The following GRAMD4 variants were observed in gnomAD, a reference collection of about 807,000 sequenced individuals.
The protein encoded by GRAMD4 is GRAM domain containing 4, also known as GRAM domain-containing protein 4.
A neutral mutation model predicts 83.9 loss-of-function variants in GRAMD4; 25 were observed. The observed-to-expected ratio is 0.30, with a 90% CI of 0.22 to 0.42. The LOEUF (loss-of-function observed/expected upper bound fraction) is 0.42, where lower values mean the gene tolerates loss of function less well. Among genes scored for constraint, GRAMD4 ranks in the 10% least tolerant of loss-of-function variants. The pLI, the probability that GRAMD4 is intolerant of heterozygous loss-of-function variation, is 1.00. For missense variants in GRAMD4, 593 were observed against 788.7 expected (o/e 0.75, Z 2.97); for synonymous variants, 336 against 320.9 (o/e 1.05, Z -0.50).
rs1235339211 is a variant in GRAMD4 at position 46,661,248 on chromosome 22, ACT to A, written c.405-130_405-129del. 1.6e-5 allele frequency: 11 copies of A among 667,158 alleles called. No homozygotes were observed. In the East Asian group the frequency reaches 2.8e-4, roughly 17 times the overall value. 41.3% of individuals were successfully genotyped at this position (667,158 alleles called of 1,614,324 possible). A position where few individuals can be genotyped will look rare whatever the true frequency, so the allele number is the denominator to read the frequency against. On this transcript the variant is annotated intron_variant, in intron 4 of 18. Coordinates refer to ENST00000406902, the MANE Select transcript of GRAMD4 (RefSeq NM_015124.5). Reference sequence around the variant, plus strand: ...CGGAACCAGCATTTCAGCAGTGGAGACTCTGGAGAGAGCCCTGCTGTCCCTGA... The same window carrying A: ...CGGAACCAGCATTTCAGCAGTGGAGACTGGAGAGAGCCCTGCTGTCCCTGA...
intron 3 of GRAMD4, among the ~76,000 whole-genome samples, chr22:46,646,101 G>A (rs571210995): frequency 6.6e-5 from 10 of 152,330 alleles, no homozygotes; most frequent in South Asian, 2.1e-4. Context: ...TCTTCTTCCT[G>A]TGTTGCTGGA....
Position 46,578,747 on chromosome 22 carries a change from C to T in GRAMD4, c.-50+1457C>T, listed in dbSNP as rs76985297. On this transcript the variant is annotated intron_variant, in intron 1 of 1. Transcript: ENST00000431155. The stretch of plus-strand genomic sequence containing the variant: ...AGATGAGTGACCTCAGTAACCCTGC[C>T]CCTCCTTCCTGCTGCACACCCTTCC... 8.3e-3 allele frequency among the ~76,000 whole-genome samples: 1,257 copies of T among 152,320 alleles called. 17 individuals are homozygous for T. Among genetic ancestry groups the T allele is most frequent in the African/African-American group, 0.029 (1,193 of 41,576 alleles).
intron 1 of GRAMD4, among the ~76,000 whole-genome samples, chr22:46,602,739 C>T (rs1179559219): frequency 6.9e-6 from 1 of 145,896 alleles, no homozygotes; most frequent in Non-Finnish European, 1.5e-5. Flanking sequence ...TTTGTTTTTC[C>T]TTTATCTTTT....
upstream of GRAMD4, among the ~76,000 whole-genome samples, chr22:46,620,074 A>G (rs1179539638): frequency 3.3e-5 from 5 of 151,918 alleles, no homozygotes; most frequent in African/African-American, 4.8e-5. This position sits in a 1 kb window ranked among gnomAD's most constrained non-coding sequence, Gnocchi z 4.7. Flanking sequence ...AGATGGTGTG[A>G]AGGAGACACG....
chr22:46,577,075 G>C (rs1452173713), upstream of GRAMD4: 1 of 148,412 alleles, frequency 6.7e-6, no homozygotes, highest in Non-Finnish European at 1.5e-5. Context: ...GCGCAACGGG[G>C]CCGGGGGCGC....
chr22:46,623,891 C>T (rs12160616), intron 1 of GRAMD4, among the ~76,000 whole-genome samples: 1 of 151,264 alleles, frequency 6.6e-6, no homozygotes, highest in Non-Finnish European at 1.5e-5. Context: ...AAGCAATTCT[C>T]CTGCCTCACT....
chr22:46,590,197 G>A (rs2147001767), intron 1 of GRAMD4, among the ~76,000 whole-genome samples: 1 of 152,358 alleles, frequency 6.6e-6, no homozygotes, highest in East Asian at 1.9e-4. Context: ...CCTGTGCCCT[G>A]CGTGCCTCCT....
At chr22:46,637,173 A>G (rs1399178779) in intron 2 of GRAMD4, among the ~76,000 whole-genome samples, 1 of 151,956 alleles carries the variant, frequency 6.6e-6, no homozygotes, top group Non-Finnish European at 1.5e-5. Flanking sequence ...GGGCCAGCAC[A>G]GTTCCAGGGT....
chr22:46,577,243 G>C lies in GRAMD4; in HGVS notation c.-97G>C, dbSNP rs1054883805. On this transcript the variant is annotated 5_prime_UTR_variant, in exon 1 of 2. Transcript: ENST00000431155. ...TAGCGCGGCCGGGCGGCCGGCGAGG[G>C]GGGCGCCGCGGCGGGTGGATGAGAG... The C allele has an allele frequency of 3.1e-6, 3 of 976,426 alleles. No homozygotes were observed. In the African/African-American group the frequency reaches 5.3e-5, roughly 17 times the overall value. The allele number at this position is 976,426 out of a possible 1,614,324, so 60.5% of individuals were successfully genotyped here.
chr22:46,623,939 G>A (rs546668811), intron 1 of GRAMD4, among the ~76,000 whole-genome samples: 1 of 151,790 alleles, frequency 6.6e-6, no homozygotes, highest in South Asian at 2.1e-4. Context: ...ACATCACCTC[G>A]CCCAGCTAAT....
At chr22:46,624,243 CTT>C (rs376752270) in intron 1 of GRAMD4, among the ~76,000 whole-genome samples, 2 of 106,702 alleles carry the variant, frequency 1.9e-5, no homozygotes. Flanking sequence ...TACTTAGTGG[CTT>C]TTTTTTTTTC....
intron 14 of GRAMD4, 27 bp from the exon 15 acceptor site, chr22:46,673,643 G>T: frequency 6.2e-7 from 1 of 1,605,212 alleles, no homozygotes; most frequent in Non-Finnish European, 8.5e-7. Flanking sequence ...CAGCGGGCCT[G>T]ACCTCGACGC....
chr22:46,589,845 C>T (rs2081189060), intron 1 of GRAMD4, among the ~76,000 whole-genome samples: 1 of 152,182 alleles, frequency 6.6e-6, no homozygotes. Flanking sequence ...TGCCCTGCTC[C>T]CCAGCAGCCT....
intron 1 of GRAMD4, among the ~76,000 whole-genome samples, chr22:46,595,611 C>T (rs1188725128): frequency 6.6e-6 from 1 of 152,150 alleles, no homozygotes; most frequent in African/African-American, 2.4e-5. Context: ...CCATGGGAGG[C>T]CCCTCTTCCT....
chr22:46,674,856 TGGCCATG>T (rs1298721867), intron 16 of GRAMD4, 106 bp downstream of exon 16: 8 of 787,378 alleles, frequency 1.0e-5, no homozygotes, highest in Non-Finnish European at 1.1e-5. Context: ...TCCTGAGTGG[TGGCCATG>T]GCCTCTCCCA....
chr22:46,674,847 C>T (rs1181215868), intron 16 of GRAMD4, 97 bp downstream of exon 16: 2 of 873,836 alleles, frequency 2.3e-6, no homozygotes, highest in African/African-American at 3.3e-5. Flanking sequence ...TGCAGGTTTT[C>T]CTGAGTGGTG....
chr22:46,607,588 G>A (rs2147077627), intron 1 of GRAMD4, among the ~76,000 whole-genome samples: 1 of 152,278 alleles, frequency 6.6e-6, no homozygotes, highest in Non-Finnish European at 1.5e-5. Context: ...GCTCCTCCCT[G>A]GATGCATCCT....
chr22:46,680,008 G>A (rs1209157443), downstream of GRAMD4, among the ~76,000 whole-genome samples: 1 of 152,228 alleles, frequency 6.6e-6, no homozygotes, highest in Non-Finnish European at 1.5e-5. Context: ...GGGCATTGGA[G>A]GCTGGGAGCA....
intron 1 of GRAMD4, among the ~76,000 whole-genome samples, chr22:46,607,893 C>G (rs868224197): frequency 6.6e-6 from 1 of 152,130 alleles, no homozygotes; most frequent in Non-Finnish European, 1.5e-5. Context: ...CCTCAGCCTG[C>G]GGTGCCGCGA....
Sources: allele counts gnomAD v4.1 joint callset (sites outside exome capture counted in the v4.1 genomes callset), GRCh38; gene constraint gnomAD v4.1.1; non-coding constraint Gnocchi (gnomAD v3.1); transcripts MANE v1.5; gene names NCBI Gene and HGNC (gene_info 2026-07-23, HGNC 2026-07-21).